Variants in LNPEP observed in about 807,000 individuals in gnomAD.
LNPEP encodes leucyl-cystinyl aminopeptidase.
Under a neutral mutation model 120.6 loss-of-function variants are expected in LNPEP, and 64 were observed. That is an observed-to-expected ratio of 0.53 (90% CI 0.43 to 0.65). The LOEUF is 0.65. Among genes scored for constraint, LNPEP ranks in the 30% least tolerant of loss-of-function variants. The pLI is 0.00. For missense variants in LNPEP, 1,057 were observed against 1,200.0 expected (o/e 0.88, Z 1.76); for synonymous variants, 435 against 425.4 (o/e 1.02, Z -0.28).
rs1434929848 is a variant in LNPEP at position 97,029,766 on chromosome 5, A to G, written c.*1233A>G. Reference sequence around the variant, plus strand: ...TTTTTTTGTGTGTCCAAACTAACATAAAAGGAGTGGTCAAAGAAGGAAAGA... The same window carrying G: ...TTTTTTTGTGTGTCCAAACTAACATGAAAGGAGTGGTCAAAGAAGGAAAGA... On this transcript the variant is annotated 3_prime_UTR_variant, in exon 18 of 18. Coordinates refer to ENST00000231368, the MANE Select transcript of LNPEP (RefSeq NM_005575.3). 1 of 152,138 alleles carries G rather than the reference A, an allele frequency of 6.6e-6. No individual in the cohort carries two copies. Among genetic ancestry groups the G allele is most frequent in the African/African-American group, 2.4e-5 (1 of 41,440 alleles). The allele number at this position is 152,138 out of a possible 1,614,324, so 9.4% of individuals were successfully genotyped here.
In LNPEP at chr5:97,015,006, G is replaced by A. The variant is rs2303138; in HGVS notation, c.2287G>A (p.Ala763Thr). The A allele has an allele frequency of 0.092, 147,391 of 1,601,346 alleles. 10,556 individuals are homozygous for A. Among genetic ancestry groups the A allele is most frequent in the East Asian group, 0.41 (17,896 of 44,178 alleles). Residue 763 changes from alanine (A) to threonine (T), a missense_variant, in exon 13 of 18, where the codon GCA becomes ACA. Transcript: ENST00000231368. ...INYLGNENHTAPITEALFQTD... is the reference protein window; with the variant it reads ...INYLGNENHTTPITEALFQTD... ...TTATCTTGGAAATGAGAACCATACT[G>A]CACCCATCACCGAAGCCCTGTTTCA...
intron 4 of LNPEP, among the ~76,000 whole-genome samples, chr5:96,990,473 G>A (rs1413883345): frequency 6.6e-6 from 1 of 152,164 alleles, no homozygotes; most frequent in Non-Finnish European, 1.5e-5. Flanking sequence ...TCTTCCAGTA[G>A]TAACCACAAA....
In LNPEP at chr5:96,963,054, T is replaced by C. The variant is rs1423357; in HGVS notation, c.20-16084T>C. Among the ~76,000 whole-genome samples the C allele has an allele frequency of 9.9e-5, 15 of 152,098 alleles. No homozygotes were observed. In the East Asian group the frequency reaches 2.7e-3, roughly 27 times the overall value. ...AATACAAAATGTTCTGAATACCAAG[T>C]GTTTCATTCTCTCCTTATGTTTCTG... On this transcript the variant is annotated intron_variant, in intron 1 of 17. Coordinates refer to ENST00000231368, the MANE Select transcript of LNPEP (RefSeq NM_005575.3).
intron 1 of LNPEP, among the ~76,000 whole-genome samples, chr5:96,949,033 A>G (rs994766740): frequency 6.6e-6 from 1 of 152,246 alleles, no homozygotes; most frequent in African/African-American, 2.4e-5. Flanking sequence ...GCAGTGGTCT[A>G]AGATAAGTGG....
intron 1 of LNPEP, among the ~76,000 whole-genome samples, chr5:96,953,226 C>G (rs1043625020): frequency 6.6e-6 from 1 of 152,220 alleles, no homozygotes; most frequent in African/African-American, 2.4e-5. Flanking sequence ...AAGCTACACA[C>G]TGATTTTCAT....
At chr5:96,981,223 T>C (rs544665885) in intron 2 of LNPEP, among the ~76,000 whole-genome samples, 2 of 152,024 alleles carry the variant, frequency 1.3e-5, no homozygotes, top group Non-Finnish European at 2.9e-5. Context: ...TAAGCAAAAT[T>C]AAAAGAGAGA....
chr5:96,961,807 A>G (rs1376099953), intron 1 of LNPEP, among the ~76,000 whole-genome samples: 1 of 152,000 alleles, frequency 6.6e-6, no homozygotes, highest in African/African-American at 2.4e-5. Context: ...ATTATTTTTG[A>G]TTTTTTCAAT....
At chr5:97,011,911 A>C (rs962668672) in intron 11 of LNPEP, among the ~76,000 whole-genome samples, 3 of 152,192 alleles carry the variant, frequency 2.0e-5, no homozygotes, top group Admixed American at 6.5e-5. Context: ...AAAGATATTA[A>C]GGGCATCTGA....
chr5:97,010,284 T>C, intron 11 of LNPEP: 2 of 972,070 alleles, frequency 2.1e-6, no homozygotes, highest in South Asian at 4.8e-5. Flanking sequence ...ATGCAAAACA[T>C]TCATGTTTCC....
Position 97,036,203 on chromosome 5 carries a change from G to A in LNPEP, c.*7670G>A, listed in dbSNP as rs892011834. The A allele has an allele frequency of 6.6e-6, 1 of 152,046 alleles. No individual in the cohort carries two copies. Among genetic ancestry groups the A allele is most frequent in the African/African-American group, 2.4e-5 (1 of 41,396 alleles). The allele number at this position is 152,046 out of a possible 1,614,324, so 9.4% of individuals were successfully genotyped here. ...AATGACCCTTTCGAGTTATTGACAT[G>A]GCTCTGATGAATAGAACATGAGCCC... On this transcript the variant is annotated 3_prime_UTR_variant, in exon 18 of 18. Transcript: ENST00000231368.
At position 97,030,192 on chromosome 5, in the gene LNPEP, G is replaced by C; in HGVS notation, c.*1659G>C. ...AAAAATAGTCTTCTTTAATCCTAGT[G>C]TGTTTTCCCCAATTTAGTCTTTTCT... On this transcript the variant is annotated 3_prime_UTR_variant, in exon 18 of 18. Transcript: ENST00000231368. 6.6e-6 allele frequency: 1 copy of C among 151,914 alleles called. No individual in the cohort carries two copies. The allele number at this position is 151,914 out of a possible 1,614,324, so 9.4% of individuals were successfully genotyped here.
intron 14 of LNPEP, among the ~76,000 whole-genome samples, chr5:97,023,156 CAT>C (rs1791254079): frequency 6.6e-6 from 1 of 152,048 alleles, no homozygotes; most frequent in South Asian, 2.1e-4. Flanking sequence ...TAAGTAAAGT[CAT>C]ATAGAATTTG....
At chr5:96,997,632 C>T (rs1202962316) in intron 7 of LNPEP, among the ~76,000 whole-genome samples, 1 of 151,840 alleles carries the variant, frequency 6.6e-6, no homozygotes, top group Non-Finnish European at 1.5e-5. Context: ...AGCGTAAGGA[C>T]CAGTTTTTGT....
At chr5:96,969,219 G>A (rs932664063) in intron 1 of LNPEP, among the ~76,000 whole-genome samples, 5 of 150,588 alleles carry the variant, frequency 3.3e-5, no homozygotes, top group Admixed American at 1.3e-4. Flanking sequence ...ATACAAAAAT[G>A]AATGTTAAGT....
At chr5:96,967,145 A>ACAT (rs1407710114) in intron 1 of LNPEP, among the ~76,000 whole-genome samples, 1 of 152,136 alleles carries the variant, frequency 6.6e-6, no homozygotes, top group African/African-American at 2.4e-5. Flanking sequence ...GACTTCTAAG[A>ACAT]CATTTGTCAA....
At chr5:97,004,018 G>A (rs73139226) in intron 9 of LNPEP, among the ~76,000 whole-genome samples, 1 of 152,050 alleles carries the variant, frequency 6.6e-6, no homozygotes, top group Non-Finnish European at 1.5e-5. Context: ...CAAGCTGACT[G>A]CATATTATCC....
intron 11 of LNPEP, among the ~76,000 whole-genome samples, chr5:97,009,962 C>A (rs1168010737): frequency 6.6e-6 from 1 of 151,728 alleles, no homozygotes; most frequent in Non-Finnish European, 1.5e-5. Flanking sequence ...TATTTTCTTT[C>A]TTTTTTTAAA....
chr5:97,002,780 G>T (rs1033745314), intron 8 of LNPEP, among the ~76,000 whole-genome samples: 22 of 152,284 alleles, frequency 1.4e-4, no homozygotes, highest in African/African-American at 5.3e-4. Flanking sequence ...CACAGAGGAG[G>T]TGGTGCTTAT....
chr5:97,010,408 G>A, intron 11 of LNPEP: 1 of 984,368 alleles, frequency 1.0e-6, no homozygotes, highest in South Asian at 4.7e-5. Context: ...TATTTATCAT[G>A]TGCCATTCTC....
Sources: allele counts gnomAD v4.1 joint callset (sites outside exome capture counted in the v4.1 genomes callset), GRCh38; gene constraint gnomAD v4.1.1; transcripts MANE v1.5; gene names NCBI Gene and HGNC (gene_info 2026-07-23, HGNC 2026-07-21).